Variants in SYT1 observed in about 807,000 individuals in gnomAD.
SYT1 encodes the protein synaptotagmin 1.
A neutral mutation model predicts 44.8 loss-of-function variants in SYT1; 8 were observed. That is an observed-to-expected ratio of 0.18 (90% CI 0.10 to 0.32). The LOEUF is 0.32. SYT1 is among the 10% of genes least tolerant of loss of function. The pLI is 1.00. For synonymous variants in SYT1, 154 were observed against 188.8 expected, an observed-to-expected ratio of 0.82 and a Z score of 1.51; for missense variants, 286 against 509.3, an observed-to-expected ratio of 0.56 and a Z score of 4.22.
intron 3 of SYT1, among the ~76,000 whole-genome samples, chr12:79,180,545 C>T (rs1441962197): frequency 2.6e-5 from 4 of 151,658 alleles, no homozygotes; most frequent in East Asian, 3.9e-4. Flanking sequence ...TAGCATAATG[C>T]TGGCATCTTC....
chr12:78,885,711 A>G (rs1874712152), intron 1 of SYT1, among the ~76,000 whole-genome samples: 1 of 151,996 alleles, frequency 6.6e-6, no homozygotes, highest in Non-Finnish European at 1.5e-5. Context: ...ACAGGGCCAG[A>G]TGGTGTAAGG....
intron 9 of SYT1, among the ~76,000 whole-genome samples, chr12:79,386,752 G>T (rs1884450120): frequency 6.6e-6 from 1 of 152,166 alleles, no homozygotes; most frequent in Non-Finnish European, 1.5e-5. Flanking sequence ...TGTTCCTGAA[G>T]TTATTAGTTT....
chr12:79,408,828 A>G (rs1418488074), intron 9 of SYT1, among the ~76,000 whole-genome samples: 2 of 151,844 alleles, frequency 1.3e-5, no homozygotes, highest in East Asian at 3.9e-4. Context: ...ATGGCACACA[A>G]ATTACTTTGT....
At chr12:79,315,839 C>G (rs1168731161) in intron 8 of SYT1, among the ~76,000 whole-genome samples, 3 of 152,124 alleles carry the variant, frequency 2.0e-5, no homozygotes, top group Admixed American at 2.0e-4. Context: ...GATTCCACAG[C>G]CATTTTCTAG....
chr12:79,113,847 CTAAG>C (rs1879142816), intron 3 of SYT1, among the ~76,000 whole-genome samples: 1 of 152,106 alleles, frequency 6.6e-6, no homozygotes, highest in South Asian at 2.1e-4. Context: ...CAAATTTAAC[CTAAG>C]TGTTTACAGG....
intron 1 of SYT1, among the ~76,000 whole-genome samples, chr12:78,951,897 CTGTT>C (rs1452702637): frequency 5.9e-5 from 9 of 152,134 alleles, no homozygotes; most frequent in Admixed American, 5.9e-4. Context: ...GCACTTCTGT[CTGTT>C]CTAATGACCA....
chr12:79,191,289 G>A (rs191886367), intron 3 of SYT1, among the ~76,000 whole-genome samples: 7 of 152,128 alleles, frequency 4.6e-5, no homozygotes, highest in Admixed American at 1.3e-4. Flanking sequence ...TATGGGGATA[G>A]AATAGATATT....
chr12:79,223,703 T>C (rs1320773560), intron 4 of SYT1, among the ~76,000 whole-genome samples: 4 of 152,182 alleles, frequency 2.6e-5, no homozygotes, highest in Non-Finnish European at 4.4e-5. Flanking sequence ...CCAGTGGCGA[T>C]ACATACCAGA....
intron 3 of SYT1, among the ~76,000 whole-genome samples, chr12:79,122,480 C>G (rs1368453554): frequency 6.9e-5 from 9 of 130,188 alleles, no homozygotes; most frequent in Admixed American, 6.0e-4. Flanking sequence ...CGCCACTGCA[C>G]TCCAGCCTGG....
intron 9 of SYT1, among the ~76,000 whole-genome samples, chr12:79,434,230 A>G (rs11833031): frequency 0.19 from 29,340 of 152,154 alleles, 3,332 homozygotes; most frequent in African/African-American, 0.3. Context: ...AGTCACTTGC[A>G]TAATGTTGTT....
chr12:79,109,735 G>T (rs946933050), intron 3 of SYT1, among the ~76,000 whole-genome samples: 2 of 152,126 alleles, frequency 1.3e-5, no homozygotes, highest in Non-Finnish European at 2.9e-5. Context: ...TTTCATAGGA[G>T]AAATTATTTT....
chr12:79,014,014 A>G (rs1239858951), intron 2 of SYT1, among the ~76,000 whole-genome samples: 1 of 149,164 alleles, frequency 6.7e-6, no homozygotes, highest in East Asian at 2.0e-4. Context: ...TAGTCCCAGT[A>G]CTCGGGATCA....
At chr12:78,889,300 TC>T in intron 1 of SYT1, among the ~76,000 whole-genome samples, 1 of 151,892 alleles carries the variant, frequency 6.6e-6, no homozygotes, top group African/African-American at 2.4e-5. Context: ...AGCTTATAGC[TC>T]CAATCACGTT....
chr12:79,400,394 ATTAAG>A (rs964187505), intron 9 of SYT1, among the ~76,000 whole-genome samples: 6 of 152,172 alleles, frequency 3.9e-5, no homozygotes, highest in African/African-American at 1.2e-4. Context: ...TGCCTGCAAA[ATTAAG>A]TTTTTTCCTA....
chr12:79,100,319 T>C (rs1878373729), intron 3 of SYT1, among the ~76,000 whole-genome samples: 1 of 152,166 alleles, frequency 6.6e-6, no homozygotes, highest in African/African-American at 2.4e-5. Context: ...TCATGCAATC[T>C]AGCTCCCAAA....
At chr12:79,184,261 A>AG (rs1565844794) in intron 3 of SYT1, among the ~76,000 whole-genome samples, 1 of 152,052 alleles carries the variant, frequency 6.6e-6, no homozygotes, top group Admixed American at 6.6e-5. Context: ...GCTGAAAAAA[A>AG]CATAGGTTGT....
At chr12:79,016,904 C>G (rs1871842561) in intron 2 of SYT1, among the ~76,000 whole-genome samples, 1 of 152,066 alleles carries the variant, frequency 6.6e-6, no homozygotes. Flanking sequence ...ATCCACTCCA[C>G]TATGTACTAA....
At chr12:78,864,287 A>G (rs1873412921), upstream of SYT1, 1 of 150,692 alleles carries the variant, frequency 6.6e-6, no homozygotes, top group Admixed American at 6.6e-5. Flanking sequence ...ACCCACACAC[A>G]TCGAAACTCC....
At chr12:79,122,647 T>G (rs1210267153) in intron 3 of SYT1, among the ~76,000 whole-genome samples, 1 of 151,420 alleles carries the variant, frequency 6.6e-6, no homozygotes, top group African/African-American at 2.4e-5. Context: ...ATGTGATGAG[T>G]AAGACACATT....
Sources: allele counts gnomAD v4.1 joint callset (sites outside exome capture counted in the v4.1 genomes callset), GRCh38; gene constraint gnomAD v4.1.1; transcripts MANE v1.5; gene names NCBI Gene and HGNC (gene_info 2026-07-23, HGNC 2026-07-21).